Variants in RERE observed in about 807,000 individuals in gnomAD.
RERE encodes the protein arginine-glutamic acid dipeptide repeats, also known as arginine-glutamic acid dipeptide repeats protein.
Under a neutral mutation model 146.1 loss-of-function variants are expected in RERE, and 40 were observed. The ratio of observed to expected loss-of-function variants is 0.27; its 90% CI spans 0.21 to 0.36. RERE has a LOEUF of 0.36. Ranked by LOEUF, RERE falls within the 10% of genes least tolerant of loss-of-function variation. The pLI, the probability that RERE is intolerant of heterozygous loss-of-function variation, is 1.00. For missense variants in RERE, 1,933 were observed against 2,138.7 expected (o/e 0.90, Z 1.90); for synonymous variants, 1,003 against 866.0 (o/e 1.16, Z -2.78).
intron 4 of RERE, among the ~76,000 whole-genome samples, chr1:8,573,408 C>CT (rs34524431): frequency 0.59 from 89,388 of 151,880 alleles, 26,909 homozygotes; most frequent in East Asian, 0.84. Flanking sequence ...ACACTAGACT[C>CT]TTTGAGTTCT....
chr1:8,552,767 T>C (rs547668136), intron 6 of RERE, among the ~76,000 whole-genome samples: 1 of 152,366 alleles, frequency 6.6e-6, no homozygotes, highest in Admixed American at 6.5e-5. Context: ...TCTTTCACAG[T>C]GAGCGCTGCT....
chr1:8,561,808 G>T (rs1353252115), intron 4 of RERE, among the ~76,000 whole-genome samples: 2 of 152,196 alleles, frequency 1.3e-5, no homozygotes, highest in Non-Finnish European at 2.9e-5. Context: ...CAAAAGTATT[G>T]CTAGAAAGTT....
intron 10 of RERE, among the ~76,000 whole-genome samples, chr1:8,485,152 G>C (rs1323698416): frequency 6.6e-6 from 1 of 152,106 alleles, no homozygotes; most frequent in African/African-American, 2.4e-5. Context: ...ACCTGATGTA[G>C]GGAGTTCAAG....
rs1278363007 is a variant in RERE, at chr1:8,607,585, G to C, written c.522+6976C>G. 6.3e-5 allele frequency among the ~76,000 whole-genome samples: 7 copies of C among 110,498 alleles called. No homozygotes were observed. In the East Asian group the frequency reaches 2.0e-3, roughly 32 times the overall value. The allele number at this position is 110,498 out of a possible 152,430, so 72.5% of individuals were successfully genotyped here. On this transcript the variant is annotated intron_variant, in intron 4 of 22. Transcript: ENST00000400908. ...TTTTGAGACGGAGTCTCGCTCTGTCGTCGAGGCTGCAGTGCAGTGGTGTGA... is the reference window on the plus strand; with the variant it reads ...TTTTGAGACGGAGTCTCGCTCTGTCCTCGAGGCTGCAGTGCAGTGGTGTGA...
At chr1:8,495,642 C>T (rs112984832) in intron 9 of RERE, among the ~76,000 whole-genome samples, 8,037 of 152,226 alleles carry the variant, frequency 0.053, 314 homozygotes, top group Non-Finnish European at 0.078. Flanking sequence ...TCTTCACTCA[C>T]GCAGAAAGAC....
chr1:8,527,381 T>C (rs1019638312), intron 7 of RERE, among the ~76,000 whole-genome samples: 2 of 152,108 alleles, frequency 1.3e-5, no homozygotes, highest in Admixed American at 6.5e-5. Context: ...AATTAGAACC[T>C]AGCAGCCAAA....
intron 2 of RERE, among the ~76,000 whole-genome samples, chr1:8,635,253 A>G (rs1054088635): frequency 6.6e-6 from 1 of 152,212 alleles, no homozygotes; most frequent in African/African-American, 2.4e-5. Flanking sequence ...TCTCCTTATG[A>G]TACAGTGATT....
At chr1:8,409,520 C>A (rs906719790) in intron 12 of RERE, among the ~76,000 whole-genome samples, 2 of 152,126 alleles carry the variant, frequency 1.3e-5, no homozygotes, top group African/African-American at 4.8e-5. Context: ...ACAGCAAATC[C>A]CAAAGCAATG....
rs150955247 is a variant in RERE at position 8,495,996 on chromosome 1, A to T, written c.1005-834T>A. On this transcript the variant is annotated intron_variant, in intron 9 of 22. Coordinates refer to ENST00000400908, the MANE Select transcript of RERE (RefSeq NM_001042681.2). ...TTCAAAATCAGCCCTGACAACATAG[A>T]GAGAGAAAAAAAATATATTAGCCAG... Among the ~76,000 whole-genome samples, 620 of 151,908 alleles carry T rather than the reference A, an allele frequency of 4.1e-3. 5 individuals are homozygous for T. The highest frequency in any genetic ancestry group is 0.014 in the African/African-American group (593 of 41,406).
chr1:8,613,434 A>C (rs988501077), intron 4 of RERE, among the ~76,000 whole-genome samples: 9 of 152,016 alleles, frequency 5.9e-5, no homozygotes, highest in Non-Finnish European at 1.0e-4. Context: ...TGCCATGTAC[A>C]CCTGGAAGGC....
intron 1 of RERE, among the ~76,000 whole-genome samples, chr1:8,677,454 GAAAA>G (rs571192127): frequency 9.8e-6 from 1 of 101,698 alleles, no homozygotes; most frequent in Non-Finnish European, 2.1e-5. Flanking sequence ...AGAAAGAAAA[GAAAA>G]AAAAAAAAAA....
chr1:8,390,719 TA>T (rs1451823561), intron 12 of RERE, among the ~76,000 whole-genome samples: 7 of 152,192 alleles, frequency 4.6e-5, no homozygotes, highest in Non-Finnish European at 8.8e-5. Context: ...CATTCTTCCA[TA>T]AAACAAACAT....
At chr1:8,563,686 G>A (rs1031895226) in intron 4 of RERE, among the ~76,000 whole-genome samples, 4 of 152,166 alleles carry the variant, frequency 2.6e-5, no homozygotes, top group Non-Finnish European at 5.9e-5. Flanking sequence ...GCTTAGTCAT[G>A]GGGGCTCTTG....
At chr1:8,744,008 T>C (rs549459265) in intron 1 of RERE, among the ~76,000 whole-genome samples, 3 of 152,320 alleles carry the variant, frequency 2.0e-5, no homozygotes, top group Admixed American at 1.3e-4. Flanking sequence ...GAACTGTGTG[T>C]TGAAGCACAG....
intron 1 of RERE, among the ~76,000 whole-genome samples, chr1:8,708,422 G>T (rs913110896): frequency 6.6e-6 from 1 of 152,072 alleles, no homozygotes; most frequent in African/African-American, 2.4e-5. Context: ...CACCTCCCAG[G>T]TTCAAGCAAT....
At chr1:8,482,415 T>C (rs887511098) in intron 10 of RERE, among the ~76,000 whole-genome samples, 8 of 151,882 alleles carry the variant, frequency 5.3e-5, no homozygotes, top group Admixed American at 2.6e-4. Flanking sequence ...GGTGTGGTGG[T>C]TCATGCCTGT....
intron 7 of RERE, among the ~76,000 whole-genome samples, chr1:8,510,671 T>C (rs1451336966): frequency 1.3e-5 from 2 of 152,238 alleles, no homozygotes; most frequent in Non-Finnish European, 2.9e-5. Context: ...TAACTAGCTG[T>C]GAGCAAAACA....
At chr1:8,575,558 TATA>T (rs1216857634) in intron 4 of RERE, among the ~76,000 whole-genome samples, 5,700 of 63,700 alleles carry the variant, frequency 0.089, 242 homozygotes, top group African/African-American at 0.21. Flanking sequence ...TATATATATA[TATA>T]TTTTTTTTTT....
chr1:8,647,775 T>C (rs751533709), intron 2 of RERE, among the ~76,000 whole-genome samples: 15 of 152,062 alleles, frequency 9.9e-5, no homozygotes, highest in Middle Eastern at 3.4e-3. Context: ...CTTTCGATGA[T>C]TCAGAGAACT....
Sources: gnomAD v4.1 joint callset for allele counts (sites outside exome capture counted in the v4.1 genomes callset) on GRCh38, gnomAD v4.1.1 for gene constraint, MANE v1.5 for transcripts, NCBI Gene and HGNC (gene_info 2026-07-23, HGNC 2026-07-21) for gene names.